The following ADAMTSL1 variants were observed in gnomAD, a reference collection of about 807,000 sequenced individuals.
The protein encoded by ADAMTSL1 is ADAMTS-like protein 1.
ADAMTSL1 carries 126 observed loss-of-function variants against 201.8 expected under a neutral mutation model. That is an observed-to-expected ratio of 0.62 (90% CI 0.54 to 0.72). The LOEUF is 0.72. ADAMTSL1 is among the 30% of genes least tolerant of loss of function. The pLI is 0.00. For missense variants in ADAMTSL1, 2,679 were observed against 2,277.8 expected (o/e 1.18, Z -3.59); for synonymous variants, 1,121 against 903.4 (o/e 1.24, Z -4.32).
At chr9:18,425,576 A>C (rs1326596456) in intron 2 of ADAMTSL1, among the ~76,000 whole-genome samples, 1 of 152,182 alleles carries the variant, frequency 6.6e-6, no homozygotes, top group African/African-American at 2.4e-5. Context: ...TTCTCCAGGC[A>C]CAGCAGCTTG....
intron 1 of ADAMTSL1, among the ~76,000 whole-genome samples, chr9:18,503,578 C>A (rs1822961036): frequency 6.6e-6 from 1 of 151,834 alleles, no homozygotes. Context: ...TTATTATCTC[C>A]ATCTTATGAT....
intron 1 of ADAMTSL1, among the ~76,000 whole-genome samples, chr9:17,972,441 G>T (rs1194931238): frequency 6.6e-6 from 1 of 151,128 alleles, no homozygotes; most frequent in Non-Finnish European, 1.5e-5. Flanking sequence ...GCGATAGTTT[G>T]CTGAGAATGA....
intron 16 of ADAMTSL1, among the ~76,000 whole-genome samples, chr9:18,757,835 T>C (rs1819861325): frequency 6.6e-6 from 1 of 152,150 alleles, no homozygotes; most frequent in African/African-American, 2.4e-5. Flanking sequence ...CTGCAGAGCG[T>C]TGACTTTGGT....
chr9:18,606,601 C>G (rs940952280), intron 4 of ADAMTSL1, among the ~76,000 whole-genome samples: 2 of 152,142 alleles, frequency 1.3e-5, no homozygotes, highest in African/African-American at 4.8e-5. Flanking sequence ...TTTAAAGAGA[C>G]TAAATCCCAA....
rs1171379078 is a variant in ADAMTSL1, at chr9:18,680,357, G to T, written c.1182G>T (p.Gly394=). The change falls in exon 11 of 29, where the codon GGG becomes GGT. Residue 394 remains glycine, a synonymous_variant. Coordinates refer to ENST00000380548, the MANE Select transcript of ADAMTSL1 (RefSeq NM_001040272.6). Reference sequence around the variant, plus strand: ...CCGCGTGCTCCTCCTCGTGTGGGGGGGGCATCCAGAGCCGGGCAGTTTCCT... The same window carrying T: ...CCGCGTGCTCCTCCTCGTGTGGGGGTGGCATCCAGAGCCGGGCAGTTTCCT... ...PWTACSSSCG[G]GIQSRAVSCV... The T allele has an allele frequency of 6.8e-6, 11 of 1,614,010 alleles. No individual in the cohort carries two copies. The South Asian group carries it at 1.2e-4, about 18-fold the overall frequency.
At chr9:18,178,067 A>G (rs918736412) in intron 2 of ADAMTSL1, among the ~76,000 whole-genome samples, 1 of 152,332 alleles carries the variant, frequency 6.6e-6, no homozygotes, top group East Asian at 1.9e-4. Context: ...AGCTCCCAGC[A>G]TGAGCGACGC....
intron 1 of ADAMTSL1, among the ~76,000 whole-genome samples, chr9:17,951,069 C>T (rs537624865): frequency 1.6e-4 from 24 of 152,258 alleles, no homozygotes; most frequent in Admixed American, 1.6e-3. Flanking sequence ...AAAGCAAACA[C>T]CTTGATGGCA....
intron 2 of ADAMTSL1, among the ~76,000 whole-genome samples, chr9:18,339,473 T>C (rs778045618): frequency 2.6e-5 from 4 of 152,144 alleles, no homozygotes; most frequent in Admixed American, 6.6e-5. Context: ...GGTGAGGTTG[T>C]GGAACAAAGG....
chr9:18,770,819 A>T, intron 17 of ADAMTSL1, 38 bp downstream of exon 17: 1 of 1,596,474 alleles, frequency 6.3e-7, no homozygotes, highest in Non-Finnish European at 8.6e-7. Context: ...AAGAGATCCA[A>T]GTAGGAAAAG....
At chr9:18,493,197 C>A (rs578056238) in intron 1 of ADAMTSL1, among the ~76,000 whole-genome samples, 5 of 152,226 alleles carry the variant, frequency 3.3e-5, no homozygotes, top group African/African-American at 1.2e-4. Flanking sequence ...TCTCCCGAGT[C>A]CAAAACTCTG....
At chr9:18,838,389 AC>A (rs1563844486) in intron 23 of ADAMTSL1, among the ~76,000 whole-genome samples, 20 of 147,764 alleles carry the variant, frequency 1.4e-4, no homozygotes, top group African/African-American at 2.2e-4. Context: ...ACACACACAC[AC>A]ACACACACAC....
At chr9:18,801,700 G>A (rs2131086960) in intron 20 of ADAMTSL1, among the ~76,000 whole-genome samples, 1 of 152,222 alleles carries the variant, frequency 6.6e-6, no homozygotes, top group South Asian at 2.1e-4. Context: ...ACATGATCTT[G>A]TTCCTTTTTA....
chr9:18,277,238 G>A (rs981384647), intron 2 of ADAMTSL1, among the ~76,000 whole-genome samples: 2 of 152,068 alleles, frequency 1.3e-5, no homozygotes, highest in African/African-American at 2.4e-5. Context: ...GCAATATTCT[G>A]CATATGTGTG....
intron 2 of ADAMTSL1, among the ~76,000 whole-genome samples, chr9:18,423,419 C>T (rs990099348): frequency 4.6e-5 from 7 of 152,214 alleles, no homozygotes; most frequent in Non-Finnish European, 1.0e-4. Context: ...TAGATTCACA[C>T]TCTTATCCCC....
chr9:18,304,412 A>G (rs182450903), intron 2 of ADAMTSL1, among the ~76,000 whole-genome samples: 2 of 150,272 alleles, frequency 1.3e-5, no homozygotes, highest in East Asian at 3.9e-4. Context: ...TTTTAATTCC[A>G]CTGTACTGTG....
intron 19 of ADAMTSL1, among the ~76,000 whole-genome samples, chr9:18,787,046 A>C (rs1482576006): frequency 6.6e-6 from 1 of 152,218 alleles, no homozygotes; most frequent in African/African-American, 2.4e-5. Context: ...ATAGTTGTGA[A>C]TAATTCTCTA....
At chr9:18,047,313 T>C (rs1390663074) in intron 1 of ADAMTSL1, among the ~76,000 whole-genome samples, 3 of 152,120 alleles carry the variant, frequency 2.0e-5, no homozygotes, top group South Asian at 4.1e-4. Context: ...CAGGGAACAT[T>C]TGGCAATGTC....
intron 1 of ADAMTSL1, among the ~76,000 whole-genome samples, chr9:18,069,184 C>G (rs1822841825): frequency 1.3e-5 from 2 of 152,072 alleles, no homozygotes; most frequent in Non-Finnish European, 2.9e-5. Flanking sequence ...AACATACACA[C>G]CATATCTCAA....
At chr9:18,346,843 A>G (rs914356877) in intron 2 of ADAMTSL1, among the ~76,000 whole-genome samples, 1 of 152,156 alleles carries the variant, frequency 6.6e-6, no homozygotes, top group African/African-American at 2.4e-5. Context: ...TGAACTCGAA[A>G]GGCTCAATCT....
Sources: allele counts gnomAD v4.1 joint callset (sites outside exome capture counted in the v4.1 genomes callset), GRCh38; gene constraint gnomAD v4.1.1; transcripts MANE v1.5; gene names NCBI Gene and HGNC (gene_info 2026-07-23, HGNC 2026-07-21).